The following PDE1B variants were observed in gnomAD, a reference collection of about 807,000 sequenced individuals.
The protein encoded by PDE1B is phosphodiesterase 1B, also known as dual specificity calcium/calmodulin-dependent 3',5'-cyclic nucleotide phosphodiesterase 1B.
Under a neutral mutation model 66.7 loss-of-function variants are expected in PDE1B, and 13 were observed. The observed-to-expected ratio is 0.19, with a 90% CI of 0.13 to 0.31. The LOEUF is 0.31. PDE1B is among the 10% of genes least tolerant of loss of function. The pLI is 1.00. For synonymous variants in PDE1B, 230 were observed against 253.9 expected (o/e 0.91, Z 0.90); for missense variants, 485 against 682.3 (o/e 0.71, Z 3.22).
chr12:54,556,902 G>T (rs1957348965), intron 2 of PDE1B, among the ~76,000 whole-genome samples: 1 of 152,054 alleles, frequency 6.6e-6, no homozygotes, highest in East Asian at 1.9e-4. Context: ...GCTGGGGGCT[G>T]GTTGTAGGGA....
chr12:54,577,117 A>G (rs1957769197), intron 14 of PDE1B, 108 bp from the exon 15 acceptor site: 2 of 957,528 alleles, frequency 2.1e-6, no homozygotes, highest in Admixed American at 2.1e-5. Flanking sequence ...GTTCAGCTTG[A>G]AGGCAGGTTG....
Position 54,569,061 on chromosome 12 carries a change from C to G in PDE1B, c.228-123C>G. Reference sequence around the variant, plus strand: ...AAAAGATATAGAGAAAGAAAGGAAACAGGGTTGAAGACAGAGAGCTGGCAT... The same window carrying G: ...AAAAGATATAGAGAAAGAAAGGAAAGAGGGTTGAAGACAGAGAGCTGGCAT... On this transcript the variant is annotated intron_variant, in intron 3 of 15. Transcript: ENST00000243052. This position sits in a 1 kb window ranked among gnomAD's most constrained non-coding sequence, Gnocchi z 4.4. 1.4e-6 allele frequency: 2 copies of G among 1,438,210 alleles called. No individual in the cohort carries two copies. Among genetic ancestry groups the G allele is most frequent in the Non-Finnish European group, 1.8e-6 (2 of 1,087,594 alleles). The allele number at this position is 1,438,210 out of a possible 1,614,324, so 89.1% of individuals were successfully genotyped here.
chr12:54,563,385 A>T (rs947248391), intron 2 of PDE1B, among the ~76,000 whole-genome samples: 1 of 152,240 alleles, frequency 6.6e-6, no homozygotes, highest in Admixed American at 6.5e-5. Flanking sequence ...CCTGACTGAG[A>T]TGGATGAGTT....
intron 3 of PDE1B, among the ~76,000 whole-genome samples, chr12:54,568,467 T>C (rs866020797): frequency 2.1e-5 from 3 of 143,374 alleles, no homozygotes; most frequent in African/African-American, 5.4e-5. Flanking sequence ...TGTCTAAAAA[T>C]ACACACACAC....
rs957373256 is a variant in PDE1B, at chr12:54,549,687, G to A, written c.-99G>A. 20 of 494,656 alleles carry A rather than the reference G, an allele frequency of 4.0e-5. No homozygotes were observed. The highest frequency in any genetic ancestry group is 5.0e-5 in the Non-Finnish European group (14 of 279,314). The allele number at this position is 494,656 out of a possible 1,614,324, so 30.6% of individuals were successfully genotyped here. ...GAGCCCAAAGCTCGGCTGGGCAGCGGGAGAGGAGGAGCCGCAGGAGCTGCA... is the reference window on the plus strand; with the variant it reads ...GAGCCCAAAGCTCGGCTGGGCAGCGAGAGAGGAGGAGCCGCAGGAGCTGCA... On this transcript the variant is annotated 5_prime_UTR_variant, in exon 1 of 16. Coordinates refer to ENST00000243052, the MANE Select transcript of PDE1B (RefSeq NM_000924.4).
In PDE1B at chr12:54,576,515, G is replaced by A. The variant is rs151187463; in HGVS notation, c.1377-56G>A. On this transcript the variant is annotated intron_variant, in intron 13 of 15. Coordinates refer to ENST00000243052, the MANE Select transcript of PDE1B (RefSeq NM_000924.4). ...TGTCCTGCACTCCCAGGGCTAAGGTGGTTCTGGAGTGGGCTGGGGCTTACC... is the reference window on the plus strand; with the variant it reads ...TGTCCTGCACTCCCAGGGCTAAGGTAGTTCTGGAGTGGGCTGGGGCTTACC... 1.1e-4 allele frequency: 177 copies of A among 1,608,922 alleles called. 1 individual carries two copies. In the African/African-American group the frequency reaches 2.2e-3, roughly 20 times the overall value.
At position 54,575,713 on chromosome 12, in the gene PDE1B, A is replaced by C; in HGVS notation, c.1267+81A>C. Reference sequence around the variant, plus strand: ...TGGGTCAGGATTGCTCCAAGTCCTCAATCCCCCCAAACCATTCTTCCTGTA... The same window carrying C: ...TGGGTCAGGATTGCTCCAAGTCCTCCATCCCCCCAAACCATTCTTCCTGTA... On this transcript the variant is annotated intron_variant, in intron 12 of 15. Coordinates refer to ENST00000243052, the MANE Select transcript of PDE1B (RefSeq NM_000924.4). This position sits in a 1 kb window ranked among gnomAD's most constrained non-coding sequence, Gnocchi z 4.0. 2.0e-6 allele frequency: 2 copies of C among 1,016,914 alleles called. No individual in the cohort carries two copies. The highest frequency in any genetic ancestry group is 2.5e-5 in the South Asian group (2 of 79,122). The allele number at this position is 1,016,914 out of a possible 1,614,324, so 63.0% of individuals were successfully genotyped here.
intron 2 of PDE1B, among the ~76,000 whole-genome samples, chr12:54,565,075 A>G (rs1957490466): frequency 6.6e-6 from 1 of 152,236 alleles, no homozygotes; most frequent in Non-Finnish European, 1.5e-5. Flanking sequence ...AATACATGCA[A>G]ATGAGTGCCG....
At chr12:54,561,534 G>GGCTCC in intron 2 of PDE1B, 1 of 1,466,368 alleles carries the variant, frequency 6.8e-7, no homozygotes, top group Non-Finnish European at 9.1e-7. Flanking sequence ...GGGGCCCTGG[G>GGCTCC]GCTCCTGGGG....
chr12:54,570,158 G>A (rs951710775), intron 5 of PDE1B, 83 bp from the exon 6 acceptor site: 2 of 802,796 alleles, frequency 2.5e-6, no homozygotes, highest in Non-Finnish European at 4.5e-6. Context: ...CCAAGACTTT[G>A]TACTCATGGG....
intron 2 of PDE1B, among the ~76,000 whole-genome samples, chr12:54,556,818 G>A (rs1044370188): frequency 6.6e-6 from 1 of 150,560 alleles, no homozygotes; most frequent in Non-Finnish European, 1.5e-5. Flanking sequence ...TGATTAGGCT[G>A]CCAGCTGGTG....
chr12:54,575,689 G>T lies in PDE1B; in HGVS notation c.1267+57G>T. ...CTGGGAGGGGGAAAAGATGCTGCCT[G>T]GGTCAGGATTGCTCCAAGTCCTCAA... On this transcript the variant is annotated intron_variant, in intron 12 of 15. Coordinates refer to ENST00000243052, the MANE Select transcript of PDE1B (RefSeq NM_000924.4). The surrounding 1 kb of genome is among the most constrained non-coding windows in gnomAD (Gnocchi z 4.0). 1 of 1,236,498 alleles carries T rather than the reference G, an allele frequency of 8.1e-7. No homozygotes were observed. Among genetic ancestry groups the T allele is most frequent in the Non-Finnish European group, 1.2e-6 (1 of 844,178 alleles). The allele number at this position is 1,236,498 out of a possible 1,614,324, so 76.6% of individuals were successfully genotyped here. A position where few individuals can be genotyped will look rare whatever the true frequency, so the allele number is the denominator to read the frequency against.
intron 10 of PDE1B, chr12:54,574,034 A>G: frequency 3.1e-6 from 1 of 322,786 alleles, no homozygotes; most frequent in Admixed American, 4.5e-5. Flanking sequence ...TGGAAAATTC[A>G]TTCAACCCTT....
rs1025268484 is a variant in PDE1B, at chr12:54,575,039, T to A, written c.1065-59T>A. 8 of 1,499,488 alleles carry A rather than the reference T, an allele frequency of 5.3e-6. No homozygotes were observed. The African/African-American group carries it at 9.9e-5, about 18-fold the overall frequency. The allele number at this position is 1,499,488 out of a possible 1,614,324, so 92.9% of individuals were successfully genotyped here. On this transcript the variant is annotated intron_variant, in intron 10 of 15. Coordinates refer to ENST00000243052, the MANE Select transcript of PDE1B (RefSeq NM_000924.4). The surrounding 1 kb of genome is among the most constrained non-coding windows in gnomAD (Gnocchi z 4.0). ...GTGTGCGTGGGAAGTTAGGGAATGG[T>A]CCTAACTTCCTTTTCCTAAAAGATC...
chr12:54,576,087 A>G lies in PDE1B; in HGVS notation c.1363A>G (p.Lys455Glu), dbSNP rs2121167358. Reference sequence around the variant, plus strand: ...CCTGGCGGATGAGGACTCCAAGTCTAAAAACCAGCCCAGGTGAGGGTGGCT... The same window carrying G: ...CCTGGCGGATGAGGACTCCAAGTCTGAAAACCAGCCCAGGTGAGGGTGGCT... ...QPLADEDSKS[K>E]NQPSFQWRQP... The change falls in exon 13 of 16, where the codon AAA becomes GAA. Residue 455 changes from lysine to glutamate, a missense_variant. This residue lies in a region of PDE1B where 126 missense variants were observed against 133.8 expected (regional missense o/e 0.94). Coordinates refer to ENST00000243052, the MANE Select transcript of PDE1B (RefSeq NM_000924.4). 6.2e-7 allele frequency: 1 copy of G among 1,606,494 alleles called. No homozygotes were observed. The highest frequency in any genetic ancestry group is 8.5e-7 in the Non-Finnish European group (1 of 1,173,040).
At position 54,567,840 on chromosome 12, in the gene PDE1B, A is replaced by C. The variant is rs565287778; in HGVS notation, c.227+753A>C. On this transcript the variant is annotated intron_variant, in intron 3 of 15. Transcript: ENST00000243052. ...AAAGACTTAGAAAAAAGAATGTAAG[A>C]TATTCATATATATATATATATATTT... Among the ~76,000 whole-genome samples, 19 of 149,774 alleles carry C rather than the reference A, an allele frequency of 1.3e-4. No individual in the cohort carries two copies. In the East Asian group the frequency reaches 3.8e-3, roughly 30 times the overall value.
intron 2 of PDE1B, chr12:54,561,782 G>A: frequency 2.0e-6 from 1 of 493,868 alleles, no homozygotes; most frequent in Non-Finnish European, 3.6e-6. Context: ...GTGTGTGTGT[G>A]CGCGTGCCAA....
In PDE1B at chr12:54,577,860, GT is replaced by G. The variant is rs973324143; in HGVS notation, c.*19del. The G allele has an allele frequency of 1.7e-4, 47 of 272,492 alleles. No homozygotes were observed. Among genetic ancestry groups the G allele is most frequent in the African/African-American group, 1.0e-3 (47 of 45,802 alleles). The allele number at this position is 272,492 out of a possible 1,614,324, so 16.9% of individuals were successfully genotyped here. ...CTGAAGTTTCTCCCTCTTTCCCCAG[GT>G]CTTCATTGAGTCCAAAGTGTTTGAT... On this transcript the variant is annotated splice_region_variant and 3_prime_UTR_variant, in exon 16 of 16. Transcript: ENST00000243052.
chr12:54,550,786 G>A (rs1957266373), intron 2 of PDE1B, among the ~76,000 whole-genome samples: 1 of 152,176 alleles, frequency 6.6e-6, no homozygotes, highest in Admixed American at 6.5e-5. Context: ...AGGGCATGTG[G>A]GGAGGAATAA....
Sources: gnomAD v4.1 joint callset for allele counts (sites outside exome capture counted in the v4.1 genomes callset) on GRCh38, gnomAD v4.1.1 for gene constraint, gnomAD v4.1.1 regional missense constraint, Gnocchi (gnomAD v3.1) non-coding constraint, MANE v1.5 for transcripts, NCBI Gene and HGNC (gene_info 2026-07-23, HGNC 2026-07-21) for gene names.